Variants in ADGRA1 observed in about 807,000 individuals in gnomAD.
ADGRA1 encodes the protein G-protein coupled receptor 123.
A neutral mutation model predicts 21.3 loss-of-function variants in ADGRA1; 12 were observed. The ratio of observed to expected loss-of-function variants is 0.56; its 90% CI spans 0.36 to 0.91. ADGRA1 has a LOEUF of 0.91. ADGRA1 is among the 40% of genes least tolerant of loss of function. ADGRA1 has a pLI of 0.01. For missense variants in ADGRA1, 790 were observed against 805.6 expected, an observed-to-expected ratio of 0.98 and a Z score of 0.23; for synonymous variants, 385 against 368.8, an observed-to-expected ratio of 1.04 and a Z score of -0.50.
chr10:133,106,649 T>A (rs1247387426), intron 5 of ADGRA1, among the ~76,000 whole-genome samples: 1 of 152,208 alleles, frequency 6.6e-6, no homozygotes, highest in East Asian at 1.9e-4. Flanking sequence ...GATGCTGGCT[T>A]CCCCGCATCG....
chr10:133,088,990 C>A lies in ADGRA1; in HGVS notation c.3+78C>A, dbSNP rs570582960. On this transcript the variant is annotated intron_variant, in intron 2 of 6. Coordinates refer to ENST00000392607, the MANE Select transcript of ADGRA1 (RefSeq NM_001083909.3). Reference sequence around the variant, plus strand: ...GGGGCGGCCACCCGTATGGGGACTCCCAGGCTGGAAAAGTTGTGGAATGGC... The same window carrying A: ...GGGGCGGCCACCCGTATGGGGACTCACAGGCTGGAAAAGTTGTGGAATGGC... 1.0e-4 allele frequency: 129 copies of A among 1,234,778 alleles called. 1 individual carries two copies. The Middle Eastern group carries it at 1.9e-3, about 18-fold the overall frequency. The allele number at this position is 1,234,778 out of a possible 1,614,324, so 76.5% of individuals were successfully genotyped here.
At position 133,112,019 on chromosome 10, in the gene ADGRA1, A is replaced by ACCACCTGCCCACCACGGG. The variant is rs1564849822; in HGVS notation, c.401+9178_401+9179insCACCTGCCCACCACGGGC. 9.7e-4 allele frequency among the ~76,000 whole-genome samples: 27 copies of ACCACCTGCCCACCACGGG among 27,968 alleles called. 8 individuals carry two copies. The highest frequency in any genetic ancestry group is 7.2e-3 in the African/African-American group (26 of 3,628). The allele number at this position is 27,968 out of a possible 152,430, so 18.3% of individuals were successfully genotyped here. A position where few individuals can be genotyped will look rare whatever the true frequency, so the allele number is the denominator to read the frequency against. ...CCTCCAGACCACCTGCCCACCACAG[A>ACCACCTGCCCACCACGGG]CACCTCCCTCCTAATGCCTCCAGAC... On this transcript the variant is annotated intron_variant, in intron 5 of 6. Transcript: ENST00000392607.
rs531089474 is a variant in ADGRA1, at chr10:133,128,053, C to T, written c.501-276C>T. Among the ~76,000 whole-genome samples the T allele has an allele frequency of 3.1e-3, 361 of 117,872 alleles. 5 individuals are homozygous for T. Among genetic ancestry groups the T allele is most frequent in the African/African-American group, 0.012 (339 of 29,016 alleles). The allele number at this position is 117,872 out of a possible 152,430, so 77.3% of individuals were successfully genotyped here. A position where few individuals can be genotyped will look rare whatever the true frequency, so the allele number is the denominator to read the frequency against. ...GCTCTGTCCTTCCTGCCCCTGCCCA[C>T]CCAGACCCGCCCTGCACCTGGCCCC... is the stretch of plus-strand genomic sequence containing the variant. On this transcript the variant is annotated intron_variant, in intron 6 of 6. Coordinates refer to ENST00000392607, the MANE Select transcript of ADGRA1 (RefSeq NM_001083909.3).
intron 5 of ADGRA1, among the ~76,000 whole-genome samples, chr10:133,104,487 G>T (rs887842590): frequency 2.0e-5 from 3 of 152,174 alleles, no homozygotes; most frequent in Non-Finnish European, 2.9e-5. Flanking sequence ...GTGCTGGGGG[G>T]CCAGCGGGCC....
At position 133,128,924 on chromosome 10, in the gene ADGRA1, A is replaced by C; in HGVS notation, c.1096A>C (p.Asn366His). The C allele has an allele frequency of 6.4e-7, 1 of 1,557,828 alleles. No individual in the cohort carries two copies. ...AHPPGPCKMT[N>H]LQAAQGHASC... ...CCCACCGGGCCCCTGCAAGATGACCAACCTGCAGGCCGCGCAGGGCCACGC... is the reference window on the plus strand; with the variant it reads ...CCCACCGGGCCCCTGCAAGATGACCCACCTGCAGGCCGCGCAGGGCCACGC... Residue 366 changes from asparagine (N) to histidine (H), a missense_variant, in exon 7 of 7, where the codon AAC (asparagine) becomes CAC (histidine). Around this residue, in one of 3 missense-constraint regions of ADGRA1, gnomAD observed 391 missense variants for 351.5 expected, o/e 1.11. Coordinates refer to ENST00000392607, the MANE Select transcript of ADGRA1 (RefSeq NM_001083909.3).
intron 2 of ADGRA1, 91 bp downstream of exon 2, chr10:133,089,003 G>C: frequency 8.1e-7 from 1 of 1,234,718 alleles, no homozygotes; most frequent in Non-Finnish European, 1.0e-6. Context: ...GGCTGGAAAA[G>C]TTGTGGAATG....
At chr10:133,104,449 C>T (rs12356066) in intron 5 of ADGRA1, among the ~76,000 whole-genome samples, 2,913 of 152,332 alleles carry the variant, frequency 0.019, 39 homozygotes, top group Non-Finnish European at 0.027. Flanking sequence ...TCTGCCAATG[C>T]GCGCCGCAGA....
intron 3 of ADGRA1, among the ~76,000 whole-genome samples, chr10:133,098,239 G>T (rs1017952062): frequency 6.6e-6 from 1 of 152,130 alleles, no homozygotes; most frequent in African/African-American, 2.4e-5. Context: ...GTCTAATCAC[G>T]GTCTCTTCCT....
intron 5 of ADGRA1, among the ~76,000 whole-genome samples, chr10:133,115,312 C>G (rs2135897141): frequency 6.6e-6 from 1 of 152,318 alleles, no homozygotes; most frequent in South Asian, 2.1e-4. Flanking sequence ...GGCAATGGCA[C>G]ACAGGCTCTG....
Position 133,129,860 on chromosome 10 carries a change from T to G in ADGRA1, c.*349T>G. 1.3e-5 allele frequency: 3 copies of G among 234,618 alleles called. No homozygotes were observed. Among genetic ancestry groups the G allele is most frequent in the Non-Finnish European group, 1.7e-5 (2 of 118,242 alleles). 14.5% of individuals were successfully genotyped at this position (234,618 alleles called of 1,614,324 possible). On this transcript the variant is annotated 3_prime_UTR_variant, in exon 7 of 7. Transcript: ENST00000392607. ...GGCACCCTAGAGGCAGAGCAGGGGA[T>G]TCCATCAAAGGACCCACTGAGACCC...
At chr10:133,088,978 G>T (rs922222943) in intron 2 of ADGRA1, 66 bp downstream of exon 2, 1 of 1,235,070 alleles carries the variant, frequency 8.1e-7, no homozygotes, top group Non-Finnish European at 1.0e-6. Context: ...GCGGCCACCC[G>T]TATGGGGACT....
In ADGRA1 at chr10:133,098,629, C is replaced by T; in HGVS notation, c.132-11C>T. ...TCTGCTCATGTGAAACCCTCCTTTC[C>T]CGTCCCACAGCGCCATCCGCATCAG... On this transcript the variant is annotated splice_polypyrimidine_tract_variant and intron_variant, in intron 3 of 6. Transcript: ENST00000392607. 1.9e-6 allele frequency: 3 copies of T among 1,605,370 alleles called. No homozygotes were observed. Among genetic ancestry groups the T allele is most frequent in the Non-Finnish European group, 2.5e-6 (3 of 1,178,696 alleles).
intron 4 of ADGRA1, among the ~76,000 whole-genome samples, chr10:133,101,991 C>G (rs1263558363): frequency 2.6e-5 from 4 of 152,232 alleles, no homozygotes; most frequent in Non-Finnish European, 5.9e-5. Flanking sequence ...CGGCGAATCT[C>G]TGTATTCCTT....
chr10:133,100,427 G>T (rs1851770453), intron 4 of ADGRA1, among the ~76,000 whole-genome samples: 1 of 152,230 alleles, frequency 6.6e-6, no homozygotes, highest in Non-Finnish European at 1.5e-5. Flanking sequence ...CCGCGGGTGA[G>T]GCCCCCCGAG....
rs549008773 is a variant in ADGRA1 at position 133,112,868 on chromosome 10, G to C, written c.401+10026G>C. ...TTATTGGAGGTCTGCGGGCCACGTC[G>C]GTTATTTGGGGTCTGCGGGCCGCGT... On this transcript the variant is annotated intron_variant, in intron 5 of 6. Coordinates refer to ENST00000392607, the MANE Select transcript of ADGRA1 (RefSeq NM_001083909.3). Among the ~76,000 whole-genome samples the C allele has an allele frequency of 1.1e-3, 158 of 141,672 alleles. 1 individual carries two copies. The highest frequency in any genetic ancestry group is 2.0e-3 in the Non-Finnish European group (131 of 65,502). The allele number at this position is 141,672 out of a possible 152,430, so 92.9% of individuals were successfully genotyped here. A position where few individuals can be genotyped will look rare whatever the true frequency, so the allele number is the denominator to read the frequency against.
At chr10:133,100,509 C>G (rs1851772459) in intron 4 of ADGRA1, among the ~76,000 whole-genome samples, 1 of 152,200 alleles carries the variant, frequency 6.6e-6, no homozygotes, top group African/African-American at 2.4e-5. Context: ...CTCCTGGGGC[C>G]CAGGCCTGCG....
rs1564849554 is a variant in ADGRA1 at position 133,111,895 on chromosome 10, ACCTCCCTCCTAATGCCTCCAGACC to A, written c.401+9054_401+9077del. The stretch of plus-strand genomic sequence containing the variant: ...TCCAGACCACCTGCCCACCACAGAC[ACCTCCCTCCTAATGCCTCCAGACC>A]ACCTGCCCGCCGTGAGCACCTCCCT... On this transcript the variant is annotated intron_variant, in intron 5 of 6. Transcript: ENST00000392607. Among the ~76,000 whole-genome samples, 10 of 111,974 alleles carry A rather than the reference ACCTCCCTCCTAATGCCTCCAGACC, an allele frequency of 8.9e-5. 1 individual carries two copies. Among genetic ancestry groups the A allele is most frequent in the Middle Eastern group, 4.8e-3 (1 of 210 alleles). 73.5% of individuals were successfully genotyped at this position (111,974 alleles called of 152,430 possible).
intron 5 of ADGRA1, among the ~76,000 whole-genome samples, chr10:133,104,361 G>A (rs1475804586): frequency 6.6e-6 from 1 of 152,196 alleles, no homozygotes; most frequent in Non-Finnish European, 1.5e-5. Context: ...TTCCTCATCT[G>A]TAATTGATGG....
rs1162873959 is a variant in ADGRA1, at chr10:133,088,077, G to T, written c.-264G>T. The T allele has an allele frequency of 1.0e-6, 1 of 985,108 alleles. No individual in the cohort carries two copies. Among genetic ancestry groups the T allele is most frequent in the Non-Finnish European group, 1.2e-6 (1 of 829,880 alleles). The allele number at this position is 985,108 out of a possible 1,614,324, so 61.0% of individuals were successfully genotyped here. On this transcript the variant is annotated 5_prime_UTR_variant, in exon 1 of 7. Coordinates refer to ENST00000392607, the MANE Select transcript of ADGRA1 (RefSeq NM_001083909.3). The stretch of plus-strand genomic sequence containing the variant: ...AGAGCGGGTCCCCGGCGGGGGGAGC[G>T]CAGCGCGTCTGTCTCCGGGAGCGCG...
Sources: allele counts gnomAD v4.1 joint callset (sites outside exome capture counted in the v4.1 genomes callset), GRCh38; gene constraint gnomAD v4.1.1; regional missense constraint gnomAD v4.1.1; transcripts MANE v1.5; gene names NCBI Gene and HGNC (gene_info 2026-07-23, HGNC 2026-07-21).